The following ARHGEF28 variants were observed in gnomAD, a reference collection of about 807,000 sequenced individuals.
ARHGEF28 encodes the protein 190 kDa guanine nucleotide exchange factor.
Under a neutral mutation model 206.6 loss-of-function variants are expected in ARHGEF28, and 152 were observed. The observed-to-expected ratio is 0.74, with a 90% CI of 0.64 to 0.84. The LOEUF is 0.84. Ranked by LOEUF, ARHGEF28 falls within the 40% of genes least tolerant of loss-of-function variation. The pLI, the probability that ARHGEF28 is intolerant of heterozygous loss-of-function variation, is 0.00. For synonymous variants in ARHGEF28, 763 were observed against 776.4 expected, an observed-to-expected ratio of 0.98 and a Z score of 0.29; for missense variants, 2,028 against 2,073.2, an observed-to-expected ratio of 0.98 and a Z score of 0.42.
At chr5:73,732,330 C>G (rs564656302) in intron 2 of ARHGEF28, among the ~76,000 whole-genome samples, 2 of 151,960 alleles carry the variant, frequency 1.3e-5, no homozygotes, top group South Asian at 4.2e-4. Flanking sequence ...GTAACTTGTT[C>G]AGATCAGCTT....
chr5:73,941,150 AT>A lies in ARHGEF28; in HGVS notation c.*144del. The A allele has an allele frequency of 1.5e-5, 13 of 888,664 alleles. No homozygotes were observed. The highest frequency in any genetic ancestry group is 3.6e-5 in the South Asian group (1 of 28,094). 55.0% of individuals were successfully genotyped at this position (888,664 alleles called of 1,614,324 possible). ...AATATTTAATATTTCCTGGAAGCTCATTTTTTTGGCATGAGTCTAATTAAAT... is the reference window on the plus strand; with the variant it reads ...AATATTTAATATTTCCTGGAAGCTCATTTTTTGGCATGAGTCTAATTAAAT... On this transcript the variant is annotated 3_prime_UTR_variant, in exon 36 of 36. Coordinates refer to ENST00000513042, the MANE Select transcript of ARHGEF28 (RefSeq NM_001177693.2).
chr5:73,882,081 T>A (rs1470894254), intron 22 of ARHGEF28, among the ~76,000 whole-genome samples: 1 of 147,442 alleles, frequency 6.8e-6, no homozygotes, highest in Admixed American at 6.7e-5. Context: ...ATGAGTGATT[T>A]TTTTTGGGGG....
At chr5:73,844,781 A>G (rs1185865113) in intron 11 of ARHGEF28, among the ~76,000 whole-genome samples, 3 of 149,956 alleles carry the variant, frequency 2.0e-5, no homozygotes, top group African/African-American at 4.9e-5. Flanking sequence ...AAAAAAAAAA[A>G]AAACCACAAA....
chr5:73,795,538 G>A (rs928962005), intron 9 of ARHGEF28, 147 bp downstream of exon 9: 1 of 685,364 alleles, frequency 1.5e-6, no homozygotes, highest in Middle Eastern at 2.7e-4. Context: ...AATTTTATTT[G>A]TAGGATCATT....
intron 1 of ARHGEF28, among the ~76,000 whole-genome samples, chr5:73,651,048 T>C (rs1225929750): frequency 6.6e-6 from 1 of 152,224 alleles, no homozygotes; most frequent in Non-Finnish European, 1.5e-5. Flanking sequence ...AATTAGTTCT[T>C]AGACATTTAG....
At chr5:73,896,530 G>A (rs1034374144) in intron 29 of ARHGEF28, among the ~76,000 whole-genome samples, 2 of 152,326 alleles carry the variant, frequency 1.3e-5, no homozygotes, top group Non-Finnish European at 2.9e-5. Context: ...ATGGACAAGA[G>A]ATTAGGAGAC....
intron 35 of ARHGEF28, among the ~76,000 whole-genome samples, chr5:73,914,746 T>C (rs542146119): frequency 6.6e-6 from 1 of 151,024 alleles, no homozygotes; most frequent in African/African-American, 2.4e-5. Flanking sequence ...TTTTTTGAGA[T>C]TGAGAGTCTC....
At chr5:73,791,000 T>C (rs1330635495) in intron 7 of ARHGEF28, among the ~76,000 whole-genome samples, 1 of 152,198 alleles carries the variant, frequency 6.6e-6, no homozygotes, top group Non-Finnish European at 1.5e-5. Context: ...GAAGTTGTGA[T>C]AAAATAGCGC....
chr5:73,686,078 T>C (rs1747448055), intron 2 of ARHGEF28, among the ~76,000 whole-genome samples: 1 of 152,114 alleles, frequency 6.6e-6, no homozygotes, highest in Admixed American at 6.5e-5. Context: ...ATAAACCAAA[T>C]TGATTCCAGA....
At chr5:73,847,013 A>T (rs1455588638) in intron 12 of ARHGEF28, among the ~76,000 whole-genome samples, 3 of 152,168 alleles carry the variant, frequency 2.0e-5, no homozygotes, top group African/African-American at 7.2e-5. Flanking sequence ...AGTTTCATTT[A>T]GGTGTGCTTG....
At chr5:73,725,020 T>C (rs1479381382) in intron 2 of ARHGEF28, among the ~76,000 whole-genome samples, 1 of 152,206 alleles carries the variant, frequency 6.6e-6, no homozygotes, top group Non-Finnish European at 1.5e-5. Context: ...TGTATGTTTG[T>C]TGTAGAAAAC....
intron 7 of ARHGEF28, among the ~76,000 whole-genome samples, chr5:73,784,243 T>G (rs1341454328): frequency 6.6e-6 from 1 of 152,150 alleles, no homozygotes; most frequent in African/African-American, 2.4e-5. Context: ...GGGGGGAAAC[T>G]CTAAGCTTAT....
chr5:73,793,352 A>G (rs1018354843), intron 7 of ARHGEF28, among the ~76,000 whole-genome samples: 15 of 152,154 alleles, frequency 9.9e-5, no homozygotes, highest in Non-Finnish European at 5.9e-5. Context: ...TACCTTATAC[A>G]TTTTCTAAGC....
intron 8 of ARHGEF28, 26 bp from the exon 9 acceptor site, chr5:73,795,305 A>G: frequency 6.2e-7 from 1 of 1,608,522 alleles, no homozygotes; most frequent in Non-Finnish European, 8.5e-7. Context: ...ATTTTTTAAA[A>G]ATCCACCTGA....
chr5:73,883,572 A>G (rs1018451268), intron 23 of ARHGEF28, among the ~76,000 whole-genome samples, 195 bp from the exon 24 acceptor site: 1 of 152,186 alleles, frequency 6.6e-6, no homozygotes, highest in Non-Finnish European at 1.5e-5. Context: ...TCTTAAAATC[A>G]TGGAGAGTTG....
chr5:73,938,149 T>TCA (rs1371369789), intron 35 of ARHGEF28, among the ~76,000 whole-genome samples: 2 of 103,314 alleles, frequency 1.9e-5, no homozygotes, highest in Non-Finnish European at 4.1e-5. Context: ...TGATTAAACT[T>TCA]CTACACTACA....
intron 26 of ARHGEF28, among the ~76,000 whole-genome samples, chr5:73,887,985 A>T (rs1182446106): frequency 6.6e-6 from 1 of 152,148 alleles, no homozygotes; most frequent in Non-Finnish European, 1.5e-5. Flanking sequence ...AGCCTCCCAA[A>T]TGTCCCCACG....
intron 2 of ARHGEF28, among the ~76,000 whole-genome samples, chr5:73,721,753 T>G (rs1749963386): frequency 6.6e-6 from 1 of 152,192 alleles, no homozygotes; most frequent in South Asian, 2.1e-4. Flanking sequence ...CTAGCTGTTT[T>G]TGATTGAGAA....
chr5:73,925,776 G>T (rs937194478), intron 35 of ARHGEF28, among the ~76,000 whole-genome samples: 5 of 152,150 alleles, frequency 3.3e-5, no homozygotes, highest in African/African-American at 1.2e-4. Flanking sequence ...CCATGTTGTT[G>T]CATGAGCCCA....
Sources: allele counts gnomAD v4.1 joint callset (sites outside exome capture counted in the v4.1 genomes callset), GRCh38; gene constraint gnomAD v4.1.1; transcripts MANE v1.5; gene names NCBI Gene and HGNC (gene_info 2026-07-23, HGNC 2026-07-21).